CDH20: variants seen among roughly 807,000 people sequenced by gnomAD.
CDH20 encodes cadherin 20.
In CDH20, 29 loss-of-function variants were observed where a neutral mutation model predicts 74.2. The observed-to-expected ratio is 0.39, with a 90% CI of 0.29 to 0.53. The LOEUF (loss-of-function observed/expected upper bound fraction) is 0.53, where lower values mean the gene tolerates loss of function less well. Among genes scored for constraint, CDH20 ranks in the 20% least tolerant of loss-of-function variants. The probability of loss-of-function intolerance (pLI) is 0.69; values close to 1 mark genes in which losing one functional copy is unlikely to be tolerated. For synonymous variants in CDH20, 469 were observed against 405.4 expected, an observed-to-expected ratio of 1.16 and a Z score of -1.88; for missense variants, 988 against 1,048.3, an observed-to-expected ratio of 0.94 and a Z score of 0.79.
intron 1 of CDH20, among the ~76,000 whole-genome samples, chr18:61,335,053 A>G (rs1158453114): frequency 6.6e-6 from 1 of 152,094 alleles, no homozygotes; most frequent in Non-Finnish European, 1.5e-5. Context: ...CTACCTAAGA[A>G]CAACAAAAAG....
intron 6 of CDH20, among the ~76,000 whole-genome samples, chr18:61,525,646 C>T (rs974028999): frequency 5.9e-5 from 9 of 151,898 alleles, no homozygotes; most frequent in East Asian, 3.8e-4. Context: ...ACTCATGAAA[C>T]GGGAAGCACT....
At chr18:61,402,971 C>T (rs1343397451) in intron 1 of CDH20, among the ~76,000 whole-genome samples, 2 of 152,176 alleles carry the variant, frequency 1.3e-5, no homozygotes, top group Non-Finnish European at 2.9e-5. Flanking sequence ...ATAAATATTT[C>T]TCCTCAATCC....
At chr18:61,373,896 G>C (rs1911123313) in intron 1 of CDH20, among the ~76,000 whole-genome samples, 1 of 152,154 alleles carries the variant, frequency 6.6e-6, no homozygotes, top group South Asian at 2.1e-4. Context: ...TCAAAGACAA[G>C]GGACTGAGTT....
chr18:61,362,857 G>A (rs1050617089), intron 1 of CDH20, among the ~76,000 whole-genome samples: 5 of 152,062 alleles, frequency 3.3e-5, no homozygotes, highest in African/African-American at 9.7e-5. Context: ...ATATATACAT[G>A]TTTAATTTAC....
intron 1 of CDH20, among the ~76,000 whole-genome samples, chr18:61,420,886 T>C (rs529245781): frequency 1.2e-3 from 182 of 152,172 alleles, no homozygotes; most frequent in Non-Finnish European, 2.3e-3. Context: ...AAACCCTGTC[T>C]CTACTAAAAA....
chr18:61,461,191 TC>T (rs1180890917), intron 1 of CDH20, among the ~76,000 whole-genome samples: 6 of 152,080 alleles, frequency 3.9e-5, no homozygotes, highest in Non-Finnish European at 8.8e-5. Flanking sequence ...TCACGAGTAT[TC>T]TATCTCAAAC....
In CDH20 at chr18:61,554,256, A is replaced by C; in HGVS notation, c.1967A>C (p.Glu656Ala). ...RKQPYIIDDE[E>A]NIHENIVRYD... ...CAACCATACATCATCGACGACGAGG[A>C]AAACATCCACGAGAACATCGTCCGC... The change falls in exon 12 of 12, where the codon GAA (glutamate) becomes GCA (alanine). Residue 656 changes from glutamate (E) to alanine (A), a missense_variant. Transcript: ENST00000262717. The C allele has an allele frequency of 1.2e-6, 2 of 1,614,036 alleles. No homozygotes were observed. The highest frequency in any genetic ancestry group is 4.5e-5 in the East Asian group (2 of 44,872).
intron 1 of CDH20, among the ~76,000 whole-genome samples, chr18:61,396,040 AGTGTGTGTGTGTTT>A (rs1424229943): frequency 6.0e-5 from 5 of 83,522 alleles, no homozygotes; most frequent in Admixed American, 3.4e-4. Context: ...GCACTCACAG[AGTGTGTGTGTGTTT>A]GTGTGTGTGT....
chr18:61,474,827 T>C (rs951324526), intron 1 of CDH20, among the ~76,000 whole-genome samples: 3 of 151,830 alleles, frequency 2.0e-5, no homozygotes, highest in Non-Finnish European at 2.9e-5. Context: ...CGGGGATCAA[T>C]AGATGTTCCC....
At chr18:61,344,199 C>T (rs1373638174) in intron 1 of CDH20, among the ~76,000 whole-genome samples, 2 of 152,190 alleles carry the variant, frequency 1.3e-5, no homozygotes, top group Non-Finnish European at 2.9e-5. Flanking sequence ...AGGATCCTAC[C>T]ACATGCCATA....
chr18:61,397,286 C>G (rs1912016572), intron 1 of CDH20, among the ~76,000 whole-genome samples: 1 of 152,124 alleles, frequency 6.6e-6, no homozygotes, highest in South Asian at 2.1e-4. Flanking sequence ...AATATTTTAT[C>G]TCATCCAGGA....
At chr18:61,396,053 T>TTGTG (rs6146344) in intron 1 of CDH20, among the ~76,000 whole-genome samples, 41 of 142,826 alleles carry the variant, frequency 2.9e-4, no homozygotes, top group African/African-American at 5.9e-4. Flanking sequence ...GTGTGTGTGT[T>TTGTG]TGTGTGTGTG....
rs576070034 is a variant in CDH20, at chr18:61,539,821, C to T, written c.1530+676C>T. ...TAGAATGACCTACCTTCTCTCCTTC[C>T]TCAATTAAAACATCCATTTTCTTAG... On this transcript the variant is annotated intron_variant, in intron 9 of 11. Coordinates refer to ENST00000262717, the MANE Select transcript of CDH20 (RefSeq NM_031891.4). Among the ~76,000 whole-genome samples, 3 of 152,250 alleles carry T rather than the reference C, an allele frequency of 2.0e-5. No homozygotes were observed. In the East Asian group the frequency reaches 5.8e-4, roughly 29 times the overall value.
chr18:61,508,235 T>G (rs1331362524), intron 6 of CDH20, among the ~76,000 whole-genome samples: 1 of 152,242 alleles, frequency 6.6e-6, no homozygotes, highest in African/African-American at 2.4e-5. Context: ...TTAAATGATA[T>G]TCTCAACAAA....
At chr18:61,522,720 T>C (rs546186049) in intron 6 of CDH20, among the ~76,000 whole-genome samples, 44 of 152,226 alleles carry the variant, frequency 2.9e-4, no homozygotes, top group Admixed American at 2.2e-3. Flanking sequence ...AACAGATATA[T>C]AGACCAATGG....
At chr18:61,518,388 G>A (rs1011248073) in intron 6 of CDH20, among the ~76,000 whole-genome samples, 6 of 152,282 alleles carry the variant, frequency 3.9e-5, no homozygotes, top group Non-Finnish European at 7.4e-5. Flanking sequence ...CATCCAGCAG[G>A]TGCCCCTCTG....
chr18:61,360,699 A>G (rs1026763022), intron 1 of CDH20, among the ~76,000 whole-genome samples: 1 of 152,192 alleles, frequency 6.6e-6, no homozygotes, highest in Non-Finnish European at 1.5e-5. Flanking sequence ...TAAGGTAGGA[A>G]TAGTCCAGGG....
chr18:61,527,333 A>AC (rs11413796), intron 6 of CDH20, among the ~76,000 whole-genome samples: 148,391 of 151,626 alleles, frequency 0.98, 72,689 homozygotes, highest in East Asian at 1. Flanking sequence ...AAGGAAAAAA[A>AC]AAAAGCCTAG....
intron 2 of CDH20, among the ~76,000 whole-genome samples, chr18:61,492,810 A>G (rs980547464): frequency 2.6e-5 from 4 of 152,344 alleles, no homozygotes; most frequent in Middle Eastern, 3.4e-3. Flanking sequence ...GCCTCTGACT[A>G]AAACTAGAAG....
Sources: gnomAD v4.1 joint callset for allele counts (sites outside exome capture counted in the v4.1 genomes callset) on GRCh38, gnomAD v4.1.1 for gene constraint, MANE v1.5 for transcripts, NCBI Gene and HGNC (gene_info 2026-07-23, HGNC 2026-07-21) for gene names.